MEAK7: variants seen among roughly 807,000 people sequenced by gnomAD.
MEAK7 encodes the protein MTOR-associated protein MEAK7.
A neutral mutation model predicts 40.5 loss-of-function variants in MEAK7; 68 were observed. The observed-to-expected ratio is 1.68, with a 90% confidence interval of 1.38 to 2.06. MEAK7 has a LOEUF of 2.06. Ranked by LOEUF, MEAK7 falls within the 30% of genes most tolerant of loss-of-function variation. The pLI, the probability that MEAK7 is intolerant of heterozygous loss-of-function variation, is 0.00. For missense variants in MEAK7, 918 were observed against 580.5 expected (o/e 1.58, Z -5.98); for synonymous variants, 338 against 231.9 (o/e 1.46, Z -4.16).
Position 84,484,429 on chromosome 16 carries a change from G to C in MEAK7, c.959-1719C>G, listed in dbSNP as rs555725501. On this transcript the variant is annotated intron_variant, in intron 5 of 7. Transcript: ENST00000343629. ...TCTGAGGAGCTGAGGCCCAGAAAAT[G>C]AATCAATCACCTTGCCCAGGGCTAG... is the stretch of plus-strand genomic sequence containing the variant. Among the ~76,000 whole-genome samples the C allele has an allele frequency of 4.9e-4, 74 of 152,322 alleles. 1 individual carries two copies. The highest frequency in any genetic ancestry group is 1.3e-3 in the African/African-American group (55 of 41,574).
At chr16:84,496,177 C>G (rs1914031697) in intron 2 of MEAK7, among the ~76,000 whole-genome samples, 1 of 152,192 alleles carries the variant, frequency 6.6e-6, no homozygotes, top group Non-Finnish European at 1.5e-5. Flanking sequence ...CCACATGTTC[C>G]TGGCAACATG....
intron 6 of MEAK7, 143 bp from the exon 7 acceptor site, chr16:84,480,851 T>C: frequency 1.1e-6 from 1 of 918,660 alleles, no homozygotes; most frequent in Non-Finnish European, 1.6e-6. Context: ...CTTGTTTTCC[T>C]TAACTGTGAA....
chr16:84,480,613 G>T lies in MEAK7; in HGVS notation c.1173C>A (p.Asn391Lys), dbSNP rs1277897014. 6.2e-6 allele frequency: 10 copies of T among 1,613,962 alleles called. No homozygotes were observed. Among genetic ancestry groups the T allele is most frequent in the Non-Finnish European group, 8.5e-6 (10 of 1,179,988 alleles). The change falls in exon 7 of 8, where the codon AAC becomes AAA. Residue 391 changes from asparagine to lysine, a missense_variant. By Grantham distance (94) the Asn-to-Lys change is moderately conservative. Transcript: ENST00000343629. ...SRAKPTCTTYNSPQLSAQENF... is the reference protein window; with the variant it reads ...SRAKPTCTTYKSPQLSAQENF... ...TCTCCTGAGCCGACAGCTGCGGGCT[G>T]TTGTACGTGGTGCACGTGGGCTTGG...
chr16:84,482,101 C>A (rs12444803), intron 6 of MEAK7, among the ~76,000 whole-genome samples: 20 of 151,980 alleles, frequency 1.3e-4, no homozygotes, highest in Non-Finnish European at 5.9e-5. Context: ...GCCTAGGCCT[C>A]CCCCGCTTCC....
intron 7 of MEAK7, 125 bp downstream of exon 7, chr16:84,480,404 T>C (rs1300167443): frequency 8.5e-7 from 1 of 1,175,044 alleles, no homozygotes; most frequent in East Asian, 2.6e-5. Context: ...CAGCATCAGC[T>C]ACCAGGATCA....
At chr16:84,495,506 C>T in intron 3 of MEAK7, 177 bp downstream of exon 3, 1 of 621,908 alleles carries the variant, frequency 1.6e-6, no homozygotes, top group Non-Finnish European at 2.8e-6. Flanking sequence ...GAGAAAGGCA[C>T]AGGCCTCTCT....
At position 84,480,576 on chromosome 16, in the gene MEAK7, C is replaced by A. The variant is rs1316319524; in HGVS notation, c.1210G>T (p.Asp404Tyr). The part of the protein sequence containing the change: ...QLSAQENFQF[D>Y]KMEVWAVGDP... ...CCAACCGCCCACACCTCCATCTTAT[C>A]AAACTGGAAGTTCTCCTGAGCCGAC... Residue 404 changes from aspartate to tyrosine, a missense_variant, in exon 7 of 8, where the codon GAT (aspartate) becomes TAT (tyrosine). By Grantham distance (160) the Asp-to-Tyr change is radical. Transcript: ENST00000343629. The A allele has an allele frequency of 1.1e-5, 17 of 1,613,866 alleles. No individual in the cohort carries two copies. The highest frequency in any genetic ancestry group is 1.4e-5 in the Non-Finnish European group (17 of 1,179,926).
chr16:84,494,754 C>T (rs1021101986), intron 3 of MEAK7: 26 of 445,052 alleles, frequency 5.8e-5, no homozygotes, highest in Non-Finnish European at 1.2e-4. Flanking sequence ...TAGGAATAAA[C>T]CATTCTGGAC....
intron 1 of MEAK7, among the ~76,000 whole-genome samples, chr16:84,501,271 C>G (rs936614757): frequency 6.6e-6 from 1 of 152,030 alleles, no homozygotes; most frequent in Non-Finnish European, 1.5e-5. Flanking sequence ...GGGAACAGCA[C>G]GCACGGGGCA....
At position 84,497,944 on chromosome 16, in the gene MEAK7, T is replaced by G; in HGVS notation, c.143A>C (p.Lys48Thr). ...PNVSSKSFSL[K>T]ALQNHVGEAL... Reference sequence around the variant, plus strand: ...GGTTGTTACTCTTGCCTGTAGTGCCTTCAGAGAGAAGGATTTGGATGAGAC... The same window carrying G: ...GGTTGTTACTCTTGCCTGTAGTGCCGTCAGAGAGAAGGATTTGGATGAGAC... The change falls in exon 2 of 8, where the codon AAG (lysine) becomes ACG (threonine). Residue 48 changes from lysine (K) to threonine (T), a missense_variant. Physicochemically the swap from Lys to Thr is moderately conservative, Grantham distance 78 (BLOSUM62 -1). Transcript: ENST00000343629. 6.2e-7 allele frequency: 1 copy of G among 1,614,210 alleles called. No homozygotes were observed. The highest frequency in any genetic ancestry group is 2.2e-5 in the East Asian group (1 of 44,884).
intron 3 of MEAK7, 187 bp downstream of exon 3, chr16:84,495,496 G>A: frequency 3.3e-6 from 2 of 604,926 alleles, no homozygotes; most frequent in African/African-American, 1.9e-5. Flanking sequence ...ATCATCTTTG[G>A]AGAAAGGCAC....
intron 7 of MEAK7, 73 bp downstream of exon 7, chr16:84,480,456 A>G (rs1471314258): frequency 6.8e-7 from 1 of 1,477,508 alleles, no homozygotes; most frequent in Non-Finnish European, 9.1e-7. Flanking sequence ...GTAAAGGGGT[A>G]ATGGTAAGAA....
At chr16:84,489,178 C>T (rs1913347482) in intron 4 of MEAK7, 100 bp downstream of exon 4, 3 of 1,415,004 alleles carry the variant, frequency 2.1e-6, no homozygotes, top group Non-Finnish European at 2.8e-6. Flanking sequence ...AGGGCTCACG[C>T]ATTCTGGTTT....
At chr16:84,495,225 C>A (rs115080720) in intron 3 of MEAK7, among the ~76,000 whole-genome samples, 9 of 152,076 alleles carry the variant, frequency 5.9e-5, no homozygotes, top group Non-Finnish European at 8.8e-5. Flanking sequence ...GTCAAGATCG[C>A]GCCACTCAAC....
intron 1 of MEAK7, among the ~76,000 whole-genome samples, chr16:84,498,359 C>T (rs1914228722): frequency 6.6e-6 from 1 of 152,190 alleles, no homozygotes; most frequent in East Asian, 1.9e-4. Context: ...GCCTCAACCT[C>T]CTGGGCTCGG....
Position 84,479,998 on chromosome 16 carries a change from G to A in MEAK7, c.1286C>T (p.Ala429Val), listed in dbSNP as rs140912471. 64 of 1,606,936 alleles carry A rather than the reference G, an allele frequency of 4.0e-5. No homozygotes were observed. The Middle Eastern group carries it at 4.1e-3, about 104-fold the overall frequency. Residue 429 changes from alanine (A) to valine (V), a missense_variant, in exon 8 of 8, where the codon GCG becomes GTG. Transcript: ENST00000343629. ...LAKGNKSILDADPEAQALLEI... is the reference protein window; with the variant it reads ...LAKGNKSILDVDPEAQALLEI... ...CAGCAGGGCCTGGGCCTCAGGGTCC[G>A]CATCCAGGATGCTCTTGTTGCCCTT...
rs139063434 is a variant in MEAK7 at position 84,495,781 on chromosome 16, A to C, written c.286T>G (p.Ser96Ala). The C allele has an allele frequency of 1.1e-3, 1,743 of 1,614,044 alleles. 21 individuals are homozygous for C. In the Admixed American group the frequency reaches 0.023, roughly 21 times the overall value. Residue 96 changes from serine (S) to alanine (A), a missense_variant, in exon 3 of 8, where the codon TCC (serine) becomes GCC (alanine). Physicochemically the swap from Ser to Ala is moderately conservative, Grantham distance 99. Coordinates refer to ENST00000343629, the MANE Select transcript of MEAK7 (RefSeq NM_020947.4). Reference protein sequence around the residue: ...VSQEQFTASMSHLLKGNSEEK... With the variant: ...VSQEQFTASMAHLLKGNSEEK... ...TCGGAGTTTCCTTTCAACAGGTGGG[A>C]CATGGATGCTGTGAACTGCTCCTGG...
chr16:84,503,194 C>A (rs1186679015), intron 1 of MEAK7, among the ~76,000 whole-genome samples: 7 of 96,156 alleles, frequency 7.3e-5, no homozygotes, highest in African/African-American at 2.9e-4. Flanking sequence ...GTGCATATAT[C>A]TACATATATG....
chr16:84,500,887 G>A (rs1236904555), intron 1 of MEAK7, among the ~76,000 whole-genome samples: 1 of 152,072 alleles, frequency 6.6e-6, no homozygotes, highest in African/African-American at 2.4e-5. Context: ...GAGGTCAGGA[G>A]TTCGAAACTA....
Sources: gnomAD v4.1 joint callset for allele counts (sites outside exome capture counted in the v4.1 genomes callset) on GRCh38, gnomAD v4.1.1 for gene constraint, MANE v1.5 for transcripts, NCBI Gene and HGNC (gene_info 2026-07-23, HGNC 2026-07-21) for gene names.